UBOX5: variants seen among roughly 807,000 people sequenced by gnomAD.
UBOX5 encodes U-box domain containing 5, also known as RING finger protein 37.
UBOX5 carries 28 observed loss-of-function variants against 39.0 expected under a neutral mutation model. That is an observed-to-expected ratio of 0.72 (90% CI 0.53 to 0.98). The LOEUF (loss-of-function observed/expected upper bound fraction) is 0.98. UBOX5 is among the 50% of genes least tolerant of loss of function. The pLI, the probability that UBOX5 is intolerant of heterozygous loss-of-function variation, is 0.00. For missense variants in UBOX5, 585 were observed against 674.4 expected, an observed-to-expected ratio of 0.87 and a Z score of 1.47; for synonymous variants, 283 against 275.5, an observed-to-expected ratio of 1.03 and a Z score of -0.27.
At chr20:3,147,489 A>T (rs762169772) in intron 1 of UBOX5, 1 of 1,614,200 alleles carries the variant, frequency 6.2e-7, no homozygotes, top group Non-Finnish European at 8.5e-7. Context: ...TTGCCTCTGT[A>T]ATCTGGACAC....
chr20:3,130,332 CCT>C (rs750031168), intron 1 of UBOX5, among the ~76,000 whole-genome samples: 1 of 94,056 alleles, frequency 1.1e-5, no homozygotes, highest in Non-Finnish European at 1.8e-5. Context: ...GTTGTTTATG[CCT>C]TTTTTTTTTT....
At chr20:3,154,894 A>G (rs1226345238) in intron 1 of UBOX5, among the ~76,000 whole-genome samples, 1 of 151,832 alleles carries the variant, frequency 6.6e-6, no homozygotes, top group Non-Finnish European at 1.5e-5. Flanking sequence ...TCCATAATAA[A>G]GAAGTACAAT....
intron 4 of UBOX5, chr20:3,111,548 G>A (rs1359804158): frequency 6.6e-6 from 1 of 152,440 alleles, no homozygotes; most frequent in Non-Finnish European, 1.5e-5. Context: ...CTTCACACCA[G>A]TCTCAACTTT....
At chr20:3,138,487 G>A (rs306757) in intron 1 of UBOX5, among the ~76,000 whole-genome samples, 40,854 of 151,878 alleles carry the variant, frequency 0.27, 6,705 homozygotes, top group Non-Finnish European at 0.36. Flanking sequence ...GGATAACAGC[G>A]GAGAAGACTG....
chr20:3,122,999 A>G (rs1348286906), intron 2 of UBOX5, among the ~76,000 whole-genome samples: 1 of 152,212 alleles, frequency 6.6e-6, no homozygotes, highest in East Asian at 1.9e-4. Flanking sequence ...ATCTGGGGAG[A>G]GAAGTGCAGG....
chr20:3,140,172 C>T (rs1482446842), intron 1 of UBOX5, among the ~76,000 whole-genome samples: 1 of 151,812 alleles, frequency 6.6e-6, no homozygotes, highest in Non-Finnish European at 1.5e-5. Flanking sequence ...TAGGCACACA[C>T]CATCATGCCC....
At chr20:3,153,745 T>C (rs1042630036) in intron 1 of UBOX5, among the ~76,000 whole-genome samples, 1 of 152,220 alleles carries the variant, frequency 6.6e-6, no homozygotes, top group Non-Finnish European at 1.5e-5. Context: ...CGGTTTATAC[T>C]GCAAGTTGAG....
At position 3,121,737 on chromosome 20, in the gene UBOX5, C is replaced by T. The variant is rs1396279067; in HGVS notation, c.902G>A (p.Arg301Gln). The T allele has an allele frequency of 6.2e-7, 1 of 1,613,978 alleles. No homozygotes were observed. The highest frequency in any genetic ancestry group is 8.5e-7 in the Non-Finnish European group (1 of 1,180,050). ...CCCCGTGAAAGGGTCACTGGGCACT[C>T]GGCCCCATGTGGCTTCACTGCGGTT... is the stretch of plus-strand genomic sequence containing the variant. Reference protein sequence around the residue: ...KCNRSEATWGRVPSDPFTGVA... With the variant: ...KCNRSEATWGQVPSDPFTGVA... The change falls in exon 3 of 5, where the codon CGA becomes CAA. Residue 301 changes from arginine to glutamine, a missense_variant. Coordinates refer to ENST00000217173, the MANE Select transcript of UBOX5 (RefSeq NM_014948.4).
intron 1 of UBOX5, among the ~76,000 whole-genome samples, chr20:3,152,937 A>G (rs1217794266): frequency 1.3e-5 from 2 of 152,024 alleles, no homozygotes; most frequent in Non-Finnish European, 2.9e-5. Flanking sequence ...AAAAAAATAG[A>G]TTTAAAGGTC....
Position 3,121,826 on chromosome 20 carries a change from G to C in UBOX5, c.813C>G (p.Ile271Met). ...AGGGCAGCAGCATGGGACAAGGCAT[G>C]ATCTCCAGGGTGATGGGATCCAGGA... ...EEFLDPITLE[I>M]MPCPMLLPSG... The change falls in exon 3 of 5, where the codon ATC (isoleucine) becomes ATG (methionine). Residue 271 changes from isoleucine (I) to methionine (M), a missense_variant. Transcript: ENST00000217173. 1 of 1,614,156 alleles carries C rather than the reference G, an allele frequency of 6.2e-7. No individual in the cohort carries two copies. Among genetic ancestry groups the C allele is most frequent in the Non-Finnish European group, 8.5e-7 (1 of 1,180,048 alleles).
At position 3,109,903 on chromosome 20, in the gene UBOX5, C is replaced by A; in HGVS notation, c.*203G>T. 1.5e-6 allele frequency: 1 copy of A among 646,524 alleles called. No homozygotes were observed. Among genetic ancestry groups the A allele is most frequent in the Non-Finnish European group, 2.6e-6 (1 of 377,990 alleles). The allele number at this position is 646,524 out of a possible 1,614,324, so 40.0% of individuals were successfully genotyped here. A position where few individuals can be genotyped will look rare whatever the true frequency, so the allele number is the denominator to read the frequency against. Reference sequence around the variant, plus strand: ...GCAGGGAGGCAGGGACATCCCCCCGCCCTCTGGCCTATGGCTTTGTTGCCC... The same window carrying A: ...GCAGGGAGGCAGGGACATCCCCCCGACCTCTGGCCTATGGCTTTGTTGCCC... On this transcript the variant is annotated 3_prime_UTR_variant, in exon 5 of 5. Transcript: ENST00000217173.
chr20:3,152,733 C>T (rs565534836), intron 1 of UBOX5, among the ~76,000 whole-genome samples: 1 of 151,990 alleles, frequency 6.6e-6, no homozygotes, highest in South Asian at 2.1e-4. Context: ...TATGGGGAAA[C>T]GCCATCTCTA....
rs2066220792 is a variant in UBOX5, at chr20:3,107,573, T to G, written c.*2533A>C. The G allele has an allele frequency of 6.6e-6, 1 of 152,220 alleles. No individual in the cohort carries two copies. The highest frequency in any genetic ancestry group is 2.4e-5 in the African/African-American group (1 of 41,448). 9.4% of individuals were successfully genotyped at this position (152,220 alleles called of 1,614,324 possible). On this transcript the variant is annotated 3_prime_UTR_variant, in exon 5 of 5. Transcript: ENST00000217173. This position sits in a 1 kb window ranked among gnomAD's most constrained non-coding sequence, Gnocchi z 5.0. ...GAAATAAACTGCCTTCAGAGCCAGG[T>G]GACAGCAAAAGAAATTTTATTCCCA... is the stretch of plus-strand genomic sequence containing the variant.
intron 1 of UBOX5, among the ~76,000 whole-genome samples, chr20:3,129,732 T>C (rs1398919307): frequency 6.6e-6 from 1 of 152,338 alleles, no homozygotes; most frequent in East Asian, 1.9e-4. Flanking sequence ...CTCTTTGGTC[T>C]CAGTACTAGA....
intron 1 of UBOX5, among the ~76,000 whole-genome samples, chr20:3,153,426 G>A (rs80022761): frequency 0.074 from 11,343 of 152,286 alleles, 527 homozygotes; most frequent in Middle Eastern, 0.13. Context: ...TCTCTGTAAT[G>A]TAAGTTTATA....
chr20:3,139,824 C>T (rs569572034), intron 1 of UBOX5, among the ~76,000 whole-genome samples: 1 of 152,154 alleles, frequency 6.6e-6, no homozygotes, highest in Non-Finnish European at 1.5e-5. Context: ...ATTCTCCTGC[C>T]TCAGCCTCCT....
intron 4 of UBOX5, among the ~76,000 whole-genome samples, chr20:3,114,635 A>C (rs1054285310): frequency 3.3e-5 from 5 of 152,118 alleles, no homozygotes; most frequent in African/African-American, 9.7e-5. Flanking sequence ...GTCAGACTGC[A>C]GACTGGCTAG....
At chr20:3,130,740 T>C (rs1645003287) in intron 1 of UBOX5, among the ~76,000 whole-genome samples, 1 of 152,120 alleles carries the variant, frequency 6.6e-6, no homozygotes, top group Non-Finnish European at 1.5e-5. Flanking sequence ...AGCTGTCTTA[T>C]TGAACTCTTA....
intron 1 of UBOX5, among the ~76,000 whole-genome samples, chr20:3,130,792 T>C (rs1276783409): frequency 1.3e-5 from 2 of 152,030 alleles, no homozygotes; most frequent in African/African-American, 4.8e-5. Flanking sequence ...TTTTTTTTTT[T>C]TTACAATCCT....
Sources: allele counts gnomAD v4.1 joint callset (sites outside exome capture counted in the v4.1 genomes callset), GRCh38; gene constraint gnomAD v4.1.1; non-coding constraint Gnocchi (gnomAD v3.1); transcripts MANE v1.5; gene names NCBI Gene and HGNC (gene_info 2026-07-23, HGNC 2026-07-21).